The following SNX8 variants were observed in gnomAD, a reference collection of about 807,000 sequenced individuals.
SNX8 encodes the protein sorting nexin-8.
A neutral mutation model predicts 51.6 loss-of-function variants in SNX8; 25 were observed. That is an observed-to-expected ratio of 0.48 (90% CI 0.35 to 0.68). The LOEUF (loss-of-function observed/expected upper bound fraction) is 0.68. SNX8 is among the 30% of genes least tolerant of loss of function. The probability of loss-of-function intolerance (pLI) is 0.00; values close to 1 mark genes in which losing one functional copy is unlikely to be tolerated. For synonymous variants in SNX8, 324 were observed against 277.0 expected, an observed-to-expected ratio of 1.17 and a Z score of -1.68; for missense variants, 695 against 624.0, an observed-to-expected ratio of 1.11 and a Z score of -1.21.
Position 2,339,228 on chromosome 7 carries a change from T to C in SNX8, c.-66+14994A>G, listed in dbSNP as rs866513728. On this transcript the variant is annotated intron_variant, in intron 1 of 5. Coordinates refer to the SNX8 transcript ENST00000435336. ...CTTATTTATTTTTTATTTTTTGAGATGCAGTCTGGCCCTGTCGCTCAGGCT... is the reference window on the plus strand; with the variant it reads ...CTTATTTATTTTTTATTTTTTGAGACGCAGTCTGGCCCTGTCGCTCAGGCT... Among the ~76,000 whole-genome samples, 19 of 151,538 alleles carry C rather than the reference T, an allele frequency of 1.3e-4. No homozygotes were observed. The South Asian group carries it at 1.5e-3, about 12-fold the overall frequency.
intron 1 of SNX8, among the ~76,000 whole-genome samples, chr7:2,310,893 T>C (rs1013379745): frequency 3.9e-5 from 6 of 152,118 alleles, no homozygotes; most frequent in African/African-American, 1.4e-4. Context: ...ATGAATAAAA[T>C]GTGAAAACAG....
chr7:2,344,997 C>T (rs1226055664), intron 1 of SNX8, among the ~76,000 whole-genome samples: 1 of 152,150 alleles, frequency 6.6e-6, no homozygotes, highest in Non-Finnish European at 1.5e-5. Flanking sequence ...GCAATATTCC[C>T]ACACTGCTGG....
chr7:2,334,870 A>G (rs1025060168), intron 1 of SNX8, among the ~76,000 whole-genome samples: 4 of 20,262 alleles, frequency 2.0e-4, no homozygotes, highest in Non-Finnish European at 5.0e-4. Context: ...CCCATCTCTG[A>G]AAAAAAAAAA....
intron 1 of SNX8, among the ~76,000 whole-genome samples, chr7:2,337,886 A>C (rs1583122573): frequency 6.6e-6 from 1 of 150,410 alleles, no homozygotes; most frequent in Non-Finnish European, 1.5e-5. Flanking sequence ...AAAACCCTAG[A>C]GCAACCATTA....
chr7:2,265,886 A>C (rs1267330688), intron 5 of SNX8, among the ~76,000 whole-genome samples: 1 of 152,056 alleles, frequency 6.6e-6, no homozygotes, highest in African/African-American at 2.4e-5. Context: ...CCATGCCAGG[A>C]GGATTGCTTG....
chr7:2,285,730 G>A (rs1378589421), intron 1 of SNX8, among the ~76,000 whole-genome samples: 1 of 152,012 alleles, frequency 6.6e-6, no homozygotes, highest in Non-Finnish European at 1.5e-5. Flanking sequence ...GCAGTGGCAC[G>A]ATCACAGCTC....
Position 2,352,547 on chromosome 7 carries a change from A to G in SNX8, c.-66+1675T>C, listed in dbSNP as rs147551143. ...GTAAGCATGCATATGTAGAAAAAACATACTCCCAGGCGTATTGGCTCACAC... is the reference window on the plus strand; with the variant it reads ...GTAAGCATGCATATGTAGAAAAAACGTACTCCCAGGCGTATTGGCTCACAC... On this transcript the variant is annotated intron_variant, in intron 1 of 5. Transcript: ENST00000435336. 9.2e-5 allele frequency among the ~76,000 whole-genome samples: 14 copies of G among 152,214 alleles called. No homozygotes were observed. In the East Asian group the frequency reaches 2.5e-3, roughly 27 times the overall value.
rs185201907 is a variant in SNX8, at chr7:2,275,302, C to G, written c.301-73G>C. ...GTCGCGTCACTTCCCCTCAACAGAG[C>G]CCGGGAAAACGACAGCACCAAGTGC... On this transcript the variant is annotated intron_variant, in intron 2 of 10. Transcript: ENST00000222990. 5.4e-5 allele frequency: 54 copies of G among 998,962 alleles called. No homozygotes were observed. In the Middle Eastern group the frequency reaches 6.2e-4, roughly 11 times the overall value. The allele number at this position is 998,962 out of a possible 1,614,324, so 61.9% of individuals were successfully genotyped here. A position where few individuals can be genotyped will look rare whatever the true frequency, so the allele number is the denominator to read the frequency against.
At chr7:2,306,395 C>T (rs1367591872) in intron 1 of SNX8, among the ~76,000 whole-genome samples, 1 of 152,172 alleles carries the variant, frequency 6.6e-6, no homozygotes, top group Non-Finnish European at 1.5e-5. Flanking sequence ...CAGGCGTGAG[C>T]CACCGTGCCC....
intron 1 of SNX8, among the ~76,000 whole-genome samples, chr7:2,279,697 G>A (rs114484045): frequency 0.031 from 4,629 of 149,438 alleles, 238 homozygotes; most frequent in African/African-American, 0.11. Context: ...AGGCTGCAGT[G>A]AGCCATGATT....
intron 1 of SNX8, among the ~76,000 whole-genome samples, chr7:2,280,413 C>T (rs562448864): frequency 3.3e-5 from 5 of 151,130 alleles, no homozygotes; most frequent in East Asian, 1.9e-4. Context: ...ACTCAGGAAG[C>T]GGAGGTTGTG....
At chr7:2,270,561 TTGCCCACCTGTGACCCACTGCACCCC>T in intron 4 of SNX8, among the ~76,000 whole-genome samples, 1 of 152,106 alleles carries the variant, frequency 6.6e-6, no homozygotes, top group South Asian at 2.1e-4. Context: ...AACAGGGATA[TTGCCCACCTGTGACCCACTGCACCCC>T]TGCCCACCGC....
At chr7:2,325,007 T>G (rs1204360558) in intron 1 of SNX8, among the ~76,000 whole-genome samples, 1 of 151,770 alleles carries the variant, frequency 6.6e-6, no homozygotes, top group East Asian at 1.9e-4. Flanking sequence ...TACAGGCTAT[T>G]TATTTTTTGT....
At chr7:2,314,459 C>T, upstream of SNX8, 1 of 1,198,736 alleles carries the variant, frequency 8.3e-7, no homozygotes, top group African/African-American at 1.6e-5. Flanking sequence ...TCCCGCGCCA[C>T]CCGGCCGCGC....
chr7:2,284,608 G>A (rs1304285171), intron 1 of SNX8, among the ~76,000 whole-genome samples: 4 of 151,102 alleles, frequency 2.6e-5, no homozygotes, highest in African/African-American at 7.3e-5. Flanking sequence ...TTTTCACCAC[G>A]TTGGCCAGGC....
chr7:2,335,187 C>A (rs1778804183), intron 1 of SNX8, among the ~76,000 whole-genome samples: 1 of 147,936 alleles, frequency 6.8e-6, no homozygotes, highest in South Asian at 2.2e-4. Flanking sequence ...CAGAGTGAGA[C>A]TCTGTCTCAA....
chr7:2,303,464 C>T (rs906995226), intron 1 of SNX8, among the ~76,000 whole-genome samples: 1 of 152,224 alleles, frequency 6.6e-6, no homozygotes, highest in African/African-American at 2.4e-5. Context: ...TACTCAACAG[C>T]TCATTGAGAA....
chr7:2,313,758 A>G (rs1459022548), intron 1 of SNX8, among the ~76,000 whole-genome samples: 1 of 152,162 alleles, frequency 6.6e-6, no homozygotes, highest in Non-Finnish European at 1.5e-5. Context: ...GCACTTTGGG[A>G]GGCTAAGGCG....
chr7:2,315,626 A>ACATT (rs1584735053), upstream of SNX8, among the ~76,000 whole-genome samples: 1 of 130,944 alleles, frequency 7.6e-6, no homozygotes, highest in South Asian at 2.5e-4. Flanking sequence ...GCTTCTTCGT[A>ACATT]CATTCATTCA....
Sources: allele counts gnomAD v4.1 joint callset (sites outside exome capture counted in the v4.1 genomes callset), GRCh38; gene constraint gnomAD v4.1.1; transcripts MANE v1.5; gene names NCBI Gene and HGNC (gene_info 2026-07-23, HGNC 2026-07-21).